AMN1: variants seen among roughly 807,000 people sequenced by gnomAD.
AMN1 encodes antagonist of mitotic exit network 1 homolog.
AMN1 carries 20 observed loss-of-function variants against 33.0 expected under a neutral mutation model. That is an observed-to-expected ratio of 0.61 (90% CI 0.43 to 0.88). The LOEUF (loss-of-function observed/expected upper bound fraction) is 0.88. Among genes scored for constraint, AMN1 ranks in the 40% least tolerant of loss-of-function variants. The pLI is 0.00. For synonymous variants in AMN1, 114 were observed against 111.9 expected (o/e 1.02, Z -0.12); for missense variants, 246 against 307.4 (o/e 0.80, Z 1.49).
In AMN1 at chr12:31,671,273, C is replaced by T. The variant is rs1375247450; in HGVS notation, c.*1031G>A. On this transcript the variant is annotated 3_prime_UTR_variant, in exon 7 of 7. Transcript: ENST00000281471. ...TGCAGTGGCAACATATATATCCACACTATAAACATACCACATTTATAAATC... is the reference window on the plus strand; with the variant it reads ...TGCAGTGGCAACATATATATCCACATTATAAACATACCACATTTATAAATC... 1 of 152,282 alleles carries T rather than the reference C, an allele frequency of 6.6e-6. No homozygotes were observed. The highest frequency in any genetic ancestry group is 1.9e-4 in the East Asian group (1 of 5,184). The allele number at this position is 152,282 out of a possible 1,614,324, so 9.4% of individuals were successfully genotyped here. A position where few individuals can be genotyped will look rare whatever the true frequency, so the allele number is the denominator to read the frequency against.
chr12:31,699,210 G>A (rs1226370711), intron 3 of AMN1, among the ~76,000 whole-genome samples: 1 of 151,640 alleles, frequency 6.6e-6, no homozygotes, highest in African/African-American at 2.4e-5. Flanking sequence ...GGCCAACATG[G>A]TGAAACCCTG....
chr12:31,697,783 T>G lies in AMN1; in HGVS notation c.491A>C (p.Lys164Thr). The G allele has an allele frequency of 1.2e-6, 2 of 1,614,030 alleles. No individual in the cohort carries two copies. The highest frequency in any genetic ancestry group is 1.7e-6 in the Non-Finnish European group (2 of 1,179,888). ...ITDVSLHALG[K>T]NCPFLQCVDF... The stretch of plus-strand genomic sequence containing the variant: ...GACACACTGCAAAAATGGGCAGTTT[T>G]TTCCTAATGCATGTAAGGACACATC... The change falls in exon 4 of 7, where the codon AAA (lysine) becomes ACA (threonine). Residue 164 changes from lysine to threonine, a missense_variant. Coordinates refer to ENST00000281471, the MANE Select transcript of AMN1 (RefSeq NM_001113402.2).
intron 1 of AMN1, among the ~76,000 whole-genome samples, chr12:31,726,358 T>A (rs962783535): frequency 6.6e-6 from 1 of 151,752 alleles, no homozygotes; most frequent in Non-Finnish European, 1.5e-5. Context: ...ACAGGGTTTC[T>A]CCATGTTGGT....
intron 6 of AMN1, among the ~76,000 whole-genome samples, chr12:31,688,679 C>T (rs537003507): frequency 1.4e-3 from 217 of 152,158 alleles, no homozygotes; most frequent in Non-Finnish European, 2.9e-3. Flanking sequence ...GGCATGGTGG[C>T]GTGCACCTGT....
chr12:31,722,356 G>A (rs925238993), intron 1 of AMN1, among the ~76,000 whole-genome samples: 4 of 152,122 alleles, frequency 2.6e-5, no homozygotes, highest in African/African-American at 9.7e-5. Flanking sequence ...GCTCAACAAT[G>A]AGCCAATAAG....
At chr12:31,695,274 C>T (rs1938671529) in intron 5 of AMN1, among the ~76,000 whole-genome samples, 1 of 151,814 alleles carries the variant, frequency 6.6e-6, no homozygotes, top group Non-Finnish European at 1.5e-5. Context: ...TAACTGAGAA[C>T]TTTATTTAAA....
intron 1 of AMN1, among the ~76,000 whole-genome samples, chr12:31,713,599 G>A (rs774148575): frequency 1.3e-5 from 2 of 152,162 alleles, no homozygotes; most frequent in Non-Finnish European, 2.9e-5. Context: ...CCAGCACTTT[G>A]GGAGACTGAG....
At chr12:31,710,932 CAG>C (rs1939442668) in intron 1 of AMN1, among the ~76,000 whole-genome samples, 1 of 152,070 alleles carries the variant, frequency 6.6e-6, no homozygotes, top group Admixed American at 6.6e-5. Flanking sequence ...TTTTTTGAGA[CAG>C]AGTCTCACTC....
At chr12:31,682,862 TA>T (rs1156253988) in intron 6 of AMN1, among the ~76,000 whole-genome samples, 1 of 152,180 alleles carries the variant, frequency 6.6e-6, no homozygotes, top group Admixed American at 6.5e-5. Flanking sequence ...AAAATATTTT[TA>T]TTCCAAATAT....
chr12:31,727,581 G>A lies in AMN1; in HGVS notation c.38+1390C>T, dbSNP rs954348084. ...TTACTCTTTTTATTTCACTCTCTAC[G>A]ATACATTTCCTCCCATTTGCAACCG... On this transcript the variant is annotated intron_variant, in intron 1 of 6. Transcript: ENST00000281471. Among the ~76,000 whole-genome samples the A allele has an allele frequency of 1.1e-4, 16 of 151,864 alleles. 1 individual carries two copies. In the South Asian group the frequency reaches 2.3e-3, roughly 22 times the overall value.
At chr12:31,676,701 A>T (rs1364040354) in intron 6 of AMN1, among the ~76,000 whole-genome samples, 1 of 151,730 alleles carries the variant, frequency 6.6e-6, no homozygotes, top group Non-Finnish European at 1.5e-5. Context: ...GTTATCAAAC[A>T]TATATAAAAT....
chr12:31,697,438 A>G (rs372572233), intron 4 of AMN1, 21 bp from the exon 5 acceptor site: 2 of 1,611,236 alleles, frequency 1.2e-6, no homozygotes, highest in East Asian at 2.2e-5. Context: ...GGAAAAAGAA[A>G]CACAGTCCAT....
intron 1 of AMN1, chr12:31,715,030 T>G (rs1939615883): frequency 2.5e-6 from 1 of 407,950 alleles, no homozygotes; most frequent in South Asian, 1.0e-4. Flanking sequence ...AGCCACTACA[T>G]ACTCTTTTCA....
intron 6 of AMN1, among the ~76,000 whole-genome samples, chr12:31,675,189 G>A (rs535300923): frequency 9.2e-5 from 14 of 151,830 alleles, no homozygotes; most frequent in African/African-American, 1.5e-4. Context: ...AGGCCAAGGC[G>A]GGAGGATCAC....
At chr12:31,679,884 G>C (rs1312233889) in intron 6 of AMN1, among the ~76,000 whole-genome samples, 2 of 151,986 alleles carry the variant, frequency 1.3e-5, no homozygotes, top group Admixed American at 6.6e-5. Context: ...CAGTACTTTG[G>C]GAGGCTGAGG....
intron 5 of AMN1, 106 bp from the exon 6 acceptor site, chr12:31,689,224 T>G: frequency 1.3e-6 from 1 of 754,438 alleles, no homozygotes; most frequent in Non-Finnish European, 2.1e-6. Flanking sequence ...AGATATCTAC[T>G]TGCAAAAAAA....
At chr12:31,690,004 A>G (rs1249640731) in intron 5 of AMN1, among the ~76,000 whole-genome samples, 1 of 152,174 alleles carries the variant, frequency 6.6e-6, no homozygotes, top group African/African-American at 2.4e-5. Flanking sequence ...GTGAGAACGT[A>G]TGATGTTTGC....
At chr12:31,701,025 G>A (rs1019144576) in intron 3 of AMN1, among the ~76,000 whole-genome samples, 2 of 138,724 alleles carry the variant, frequency 1.4e-5, no homozygotes, top group South Asian at 4.6e-4. Context: ...TTTTGAGAGA[G>A]TTTTGCTCTC....
At chr12:31,674,127 G>A (rs1951337013) in intron 6 of AMN1, among the ~76,000 whole-genome samples, 1 of 151,924 alleles carries the variant, frequency 6.6e-6, no homozygotes, top group Non-Finnish European at 1.5e-5. Context: ...AACAACATTG[G>A]GCTGGGTGCG....
Sources: allele counts gnomAD v4.1 joint callset (sites outside exome capture counted in the v4.1 genomes callset), GRCh38; gene constraint gnomAD v4.1.1; transcripts MANE v1.5; gene names NCBI Gene and HGNC (gene_info 2026-07-23, HGNC 2026-07-21).